Variants in TRIM2 observed in about 807,000 individuals in gnomAD.
TRIM2 encodes the protein tripartite motif containing 2.
In TRIM2, 20 loss-of-function variants were observed where a neutral mutation model predicts 75.2. The observed-to-expected ratio is 0.27, with a 90% confidence interval of 0.19 to 0.39. TRIM2 has a LOEUF of 0.39. TRIM2 is among the 10% of genes least tolerant of loss of function. The pLI is 1.00. For missense variants in TRIM2, 660 were observed against 990.8 expected (o/e 0.67, Z 4.48); for synonymous variants, 373 against 388.3 (o/e 0.96, Z 0.46).
rs1560873516 is a variant in TRIM2 at position 153,244,293 on chromosome 4, TCCTCCTCCTCCTCCTCCTCC to T, written c.31-26041_31-26022del. 5.7e-4 allele frequency among the ~76,000 whole-genome samples: 20 copies of T among 35,216 alleles called. 2 individuals are homozygous for T. The highest frequency in any genetic ancestry group is 2.1e-3 in the Admixed American group (6 of 2,854). 23.1% of individuals were successfully genotyped at this position (35,216 alleles called of 152,430 possible). ...CTCCTCCTCCTCCTCCTCCTCCTCC[TCCTCCTCCTCCTCCTCCTCC>T]TCCTCCTCTTCTTCTTCTTCTTCTT... On this transcript the variant is annotated intron_variant, in intron 1 of 11. Transcript: ENST00000338700.
chr4:153,236,838 T>C (rs917758004), intron 1 of TRIM2, among the ~76,000 whole-genome samples: 1 of 152,080 alleles, frequency 6.6e-6, no homozygotes, highest in Admixed American at 6.6e-5. Context: ...ACTATAGGTG[T>C]GTACCACCAT....
At chr4:153,158,259 A>G (rs1933330934) in intron 1 of TRIM2, among the ~76,000 whole-genome samples, 1 of 152,236 alleles carries the variant, frequency 6.6e-6, no homozygotes, top group African/African-American at 2.4e-5. Flanking sequence ...CTAAAATGCA[A>G]CTATTCAATT....
chr4:153,326,842 G>A (rs535730048), intron 10 of TRIM2, among the ~76,000 whole-genome samples: 1 of 152,072 alleles, frequency 6.6e-6, no homozygotes, highest in Non-Finnish European at 1.5e-5. Context: ...TTAGCCGGGC[G>A]TGGTGGTGGG....
intron 1 of TRIM2, among the ~76,000 whole-genome samples, chr4:153,229,265 CTTGTT>C (rs1025682816): frequency 9.9e-5 from 15 of 152,118 alleles, no homozygotes; most frequent in Non-Finnish European, 1.8e-4. Flanking sequence ...TTCGTTTTGA[CTTGTT>C]TTGTTTTGTT....
rs72727890 is a variant in TRIM2, at chr4:153,254,744, G to A, written c.31-15591G>A. Reference sequence around the variant, plus strand: ...TTTCCTATAATAAGCAATATTATGTGTGTTTGTTAGATTCACAGCTGAGCC... The same window carrying A: ...TTTCCTATAATAAGCAATATTATGTATGTTTGTTAGATTCACAGCTGAGCC... On this transcript the variant is annotated intron_variant, in intron 1 of 11. Coordinates refer to ENST00000338700, the MANE Select transcript of TRIM2 (RefSeq NM_015271.5). Among the ~76,000 whole-genome samples the A allele has an allele frequency of 4.6e-5, 7 of 152,256 alleles. No individual in the cohort carries two copies. The East Asian group carries it at 1.3e-3, about 29-fold the overall frequency.
chr4:153,334,052 C>A (rs1270517229), intron 11 of TRIM2, among the ~76,000 whole-genome samples: 1 of 151,844 alleles, frequency 6.6e-6, no homozygotes, highest in East Asian at 1.9e-4. Flanking sequence ...CTTCCATCAT[C>A]TAGTTGCTGA....
intron 6 of TRIM2, chr4:153,308,079 A>G (rs1765423925): frequency 2.4e-6 from 2 of 828,340 alleles, no homozygotes; most frequent in African/African-American, 3.3e-5. Flanking sequence ...GTACCTATCA[A>G]ATACTTTCTG....
chr4:153,215,354 C>T (rs1224931851), intron 1 of TRIM2, among the ~76,000 whole-genome samples: 1 of 152,064 alleles, frequency 6.6e-6, no homozygotes, highest in Non-Finnish European at 1.5e-5. Context: ...GGGGCATGCA[C>T]CCTGGGATCA....
chr4:153,227,766 G>A (rs559777857), intron 1 of TRIM2, among the ~76,000 whole-genome samples: 20 of 152,270 alleles, frequency 1.3e-4, no homozygotes, highest in African/African-American at 4.3e-4. Flanking sequence ...CATGGTGGGG[G>A]AAGGGGAAGG....
intron 3 of TRIM2, among the ~76,000 whole-genome samples, chr4:153,282,748 T>C (rs1333758235): frequency 6.6e-6 from 1 of 151,410 alleles, no homozygotes; most frequent in Non-Finnish European, 1.5e-5. Flanking sequence ...GAGCCTGGCC[T>C]GTTTTTTTTG....
chr4:153,336,780 A>G lies in TRIM2; in HGVS notation c.*1814A>G. The G allele has an allele frequency of 2.0e-6, 2 of 985,690 alleles. No homozygotes were observed. Among genetic ancestry groups the G allele is most frequent in the Non-Finnish European group, 2.4e-6 (2 of 829,776 alleles). 61.1% of individuals were successfully genotyped at this position (985,690 alleles called of 1,614,324 possible). On this transcript the variant is annotated 3_prime_UTR_variant, in exon 12 of 12. Transcript: ENST00000338700. ...TTGTCTGTTAAATTTATTATGCCCA[A>G]ATCAACCTCTGAAAAAAGGTTTTTC...
chr4:153,208,891 G>C (rs1736185640), intron 1 of TRIM2, among the ~76,000 whole-genome samples: 1 of 152,178 alleles, frequency 6.6e-6, no homozygotes, highest in Non-Finnish European at 1.5e-5. Context: ...GCAAGGCAAG[G>C]TCTGGAGCTG....
intron 6 of TRIM2, chr4:153,307,944 A>G (rs1765387409): frequency 2.6e-6 from 2 of 755,636 alleles, no homozygotes; most frequent in East Asian, 5.0e-5. Context: ...GGAGTCGTAC[A>G]GCCGGTCAGC....
intron 1 of TRIM2, among the ~76,000 whole-genome samples, chr4:153,207,879 G>A (rs899639514): frequency 2.0e-5 from 3 of 152,146 alleles, no homozygotes; most frequent in Non-Finnish European, 2.9e-5. Context: ...AAATCTCCCC[G>A]GAGGAACTCA....
chr4:153,193,203 C>A (rs1733398342), intron 1 of TRIM2, among the ~76,000 whole-genome samples: 1 of 147,334 alleles, frequency 6.8e-6, no homozygotes, highest in African/African-American at 2.6e-5. Context: ...GCGATCTCAG[C>A]TCCCTGCAAG....
At chr4:153,283,990 C>T (rs28829317) in intron 3 of TRIM2, among the ~76,000 whole-genome samples, 34,643 of 149,626 alleles carry the variant, frequency 0.23, 4,819 homozygotes, top group African/African-American at 0.4. Context: ...CTGCCTCAGC[C>T]TCCTGAGTAG....
At chr4:153,250,464 T>A (rs1293693485) in intron 1 of TRIM2, among the ~76,000 whole-genome samples, 1 of 151,906 alleles carries the variant, frequency 6.6e-6, no homozygotes. Context: ...CTATCAAGAG[T>A]AATGCTAGAG....
chr4:153,308,294 C>A, intron 6 of TRIM2: 1 of 1,547,564 alleles, frequency 6.5e-7, no homozygotes, highest in South Asian at 1.1e-5. Context: ...AAATAATGTC[C>A]TTCTCCAGAT....
chr4:153,188,381 GCT>G (rs1732832428), intron 1 of TRIM2, among the ~76,000 whole-genome samples: 1 of 152,288 alleles, frequency 6.6e-6, no homozygotes, highest in East Asian at 1.9e-4. Context: ...GATCATCTGA[GCT>G]CGAGAGGTAG....
Sources: allele counts gnomAD v4.1 joint callset (sites outside exome capture counted in the v4.1 genomes callset), GRCh38; gene constraint gnomAD v4.1.1; transcripts MANE v1.5; gene names NCBI Gene and HGNC (gene_info 2026-07-23, HGNC 2026-07-21).